ZFHX3: variants seen among roughly 807,000 people sequenced by gnomAD.
ZFHX3 encodes the protein zinc finger homeobox protein 3.
In ZFHX3, 42 loss-of-function variants were observed where a neutral mutation model predicts 279.1. The ratio of observed to expected loss-of-function variants is 0.15; its 90% confidence interval spans 0.12 to 0.19. The LOEUF (loss-of-function observed/expected upper bound fraction) is 0.19, where lower values mean the gene tolerates loss of function less well. Among genes scored for constraint, ZFHX3 ranks in the 10% least tolerant of loss-of-function variants. ZFHX3 has a pLI of 1.00. For missense variants in ZFHX3, 4,981 were observed against 4,754.0 expected (o/e 1.05, Z -1.40); for synonymous variants, 2,293 against 1,957.8 (o/e 1.17, Z -4.52).
intron 3 of ZFHX3, among the ~76,000 whole-genome samples, chr16:73,439,909 C>CAAAAAAAAAAAAAAGAAAA (rs2018057666): frequency 1.3e-5 from 1 of 75,446 alleles, no homozygotes; most frequent in Admixed American, 2.0e-4. Flanking sequence ...GGGAGAGGGA[C>CAAAAAAAAAAAAAAGAAAA]AAAAAAAAAA....
At chr16:73,351,007 G>T (rs142720659) in intron 3 of ZFHX3, among the ~76,000 whole-genome samples, 1 of 152,150 alleles carries the variant, frequency 6.6e-6, no homozygotes, top group Non-Finnish European at 1.5e-5. Flanking sequence ...GTCAGCATCC[G>T]ATGACCTTCC....
chr16:73,645,890 T>C (rs1036012402), intron 2 of ZFHX3, among the ~76,000 whole-genome samples: 3 of 152,198 alleles, frequency 2.0e-5, no homozygotes, highest in Admixed American at 6.5e-5. Flanking sequence ...ATGGTAACTG[T>C]ACAGGGACGA....
At chr16:73,603,457 T>A (rs1431009381) in intron 2 of ZFHX3, among the ~76,000 whole-genome samples, 1 of 152,028 alleles carries the variant, frequency 6.6e-6, no homozygotes, top group Admixed American at 6.6e-5. Flanking sequence ...AACAATAAGA[T>A]GGGCAAAGAT....
At chr16:73,383,365 G>A (rs934726025) in intron 3 of ZFHX3, among the ~76,000 whole-genome samples, 1 of 152,180 alleles carries the variant, frequency 6.6e-6, no homozygotes, top group Middle Eastern at 3.2e-3. Context: ...AAAAAGCCGA[G>A]GCTGTAGAGC....
At chr16:73,769,345 G>C (rs1281836746) in intron 1 of ZFHX3, among the ~76,000 whole-genome samples, 2 of 152,120 alleles carry the variant, frequency 1.3e-5, no homozygotes, top group African/African-American at 4.8e-5. Context: ...AAGCTGCTAG[G>C]CCCCTAACGA....
intron 2 of ZFHX3, among the ~76,000 whole-genome samples, chr16:73,551,471 G>A (rs763961530): frequency 5.5e-4 from 84 of 152,288 alleles, no homozygotes; most frequent in Middle Eastern, 3.4e-3. Flanking sequence ...TGATAAATAA[G>A]GAAGCAGCTG....
intron 1 of ZFHX3, among the ~76,000 whole-genome samples, chr16:73,840,227 A>T (rs1961267378): frequency 6.6e-6 from 1 of 152,138 alleles, no homozygotes; most frequent in Non-Finnish European, 1.5e-5. Context: ...ATGGGGAGAA[A>T]GGAAAACAGC....
intron 2 of ZFHX3, among the ~76,000 whole-genome samples, chr16:73,601,110 A>G (rs1597020985): frequency 1.3e-5 from 2 of 152,094 alleles, no homozygotes; most frequent in Non-Finnish European, 1.5e-5. Flanking sequence ...ATAATGAAGC[A>G]TATACTGCCT....
At chr16:73,045,993 ACT>A (rs1466539297) in intron 1 of ZFHX3, among the ~76,000 whole-genome samples, 1 of 152,146 alleles carries the variant, frequency 6.6e-6, no homozygotes, top group Non-Finnish European at 1.5e-5. Context: ...ACCCCAGCCC[ACT>A]CTGAGAGGCA....
intron 2 of ZFHX3, among the ~76,000 whole-genome samples, chr16:73,613,061 A>G (rs972686094): frequency 2.0e-5 from 3 of 152,204 alleles, no homozygotes; most frequent in Admixed American, 2.0e-4. Flanking sequence ...ATTTCCTTCT[A>G]TTTGAATTTG....
intron 5 of ZFHX3, among the ~76,000 whole-genome samples, chr16:73,243,230 C>T (rs1167754342): frequency 6.6e-6 from 1 of 152,214 alleles, no homozygotes; most frequent in Non-Finnish European, 1.5e-5. Flanking sequence ...ATGGGTGTCC[C>T]TTCGTCCACT....
intron 3 of ZFHX3, among the ~76,000 whole-genome samples, chr16:72,895,779 A>G (rs1436736786): frequency 6.6e-6 from 1 of 152,184 alleles, no homozygotes; most frequent in Non-Finnish European, 1.5e-5. Flanking sequence ...AGGTATGATC[A>G]CACCAGCGTA....
intron 3 of ZFHX3, among the ~76,000 whole-genome samples, chr16:72,928,364 CCT>C (rs1363228564): frequency 6.6e-6 from 1 of 151,936 alleles, no homozygotes. Context: ...CTGTTGTACC[CCT>C]GATATTCCCT....
At position 73,409,208 on chromosome 16, in the gene ZFHX3, A is replaced by C. The variant is rs189610463; in HGVS notation, c.-1291+46795T>G. On this transcript the variant is annotated intron_variant, in intron 3 of 17. Coordinates refer to the ZFHX3 transcript ENST00000641206. Reference sequence around the variant, plus strand: ...ATTGCAGAGAATAAGCCAGGAGAAAATGTCCTGACCTTTAAAAGCTTAGGG... The same window carrying C: ...ATTGCAGAGAATAAGCCAGGAGAAACTGTCCTGACCTTTAAAAGCTTAGGG... 5.3e-5 allele frequency among the ~76,000 whole-genome samples: 8 copies of C among 152,310 alleles called. No individual in the cohort carries two copies. The East Asian group carries it at 1.5e-3, about 29-fold the overall frequency.
chr16:73,787,916 A>G (rs1276476849), intron 1 of ZFHX3, among the ~76,000 whole-genome samples: 3 of 151,288 alleles, frequency 2.0e-5, no homozygotes, highest in Non-Finnish European at 4.4e-5. Context: ...CAGTTTTTGT[A>G]TCGGTCAGGG....
chr16:72,977,876 T>C (rs1023635722), intron 1 of ZFHX3, among the ~76,000 whole-genome samples: 1 of 152,042 alleles, frequency 6.6e-6, no homozygotes, highest in Non-Finnish European at 1.5e-5. Context: ...TTTTTCTTTT[T>C]TTTTTGAGAC....
upstream of ZFHX3, among the ~76,000 whole-genome samples, chr16:73,049,170 A>G (rs1476093283): frequency 6.6e-6 from 1 of 152,138 alleles, no homozygotes; most frequent in Non-Finnish European, 1.5e-5. Flanking sequence ...AGCCAGCCCC[A>G]AAGAAATCTC....
Position 72,788,169 on chromosome 16 carries a change from C to T in ZFHX3, c.10107G>A (p.Gln3369=), listed in dbSNP as rs772521637. The T allele has an allele frequency of 1.2e-6, 2 of 1,612,510 alleles. No individual in the cohort carries two copies. The highest frequency in any genetic ancestry group is 2.2e-5 in the East Asian group (1 of 44,834). ...GCTGCTGAATTGCCTCCTGCAGACT[C>T]TGCTGGTATTGCTGGTACTGCTGCA... ...SLLQQYQQYQ[Q]SLQEAIQQQQ... The change falls in exon 10 of 10, where the codon CAG becomes CAA. Residue 3369 remains glutamine, a synonymous_variant. Coordinates refer to ENST00000268489, the MANE Select transcript of ZFHX3 (RefSeq NM_006885.4).
intron 2 of ZFHX3, among the ~76,000 whole-genome samples, chr16:73,468,820 G>C (rs1006413178): frequency 6.6e-6 from 1 of 152,190 alleles, no homozygotes; most frequent in South Asian, 2.1e-4. Context: ...TCCCTAGAAT[G>C]CTCCAATCAC....
Sources: gnomAD v4.1 joint callset for allele counts (sites outside exome capture counted in the v4.1 genomes callset) on GRCh38, gnomAD v4.1.1 for gene constraint, MANE v1.5 for transcripts, NCBI Gene and HGNC (gene_info 2026-07-23, HGNC 2026-07-21) for gene names.